The following PLEKHA5 variants were observed in gnomAD, a reference collection of about 807,000 sequenced individuals.
PLEKHA5 encodes the protein pleckstrin homology domain-containing family A member 5.
A neutral mutation model predicts 181.9 loss-of-function variants in PLEKHA5; 55 were observed. That is an observed-to-expected ratio of 0.30 (90% CI 0.24 to 0.38). The LOEUF is 0.38. Ranked by LOEUF, PLEKHA5 falls within the 10% of genes least tolerant of loss-of-function variation. The probability of loss-of-function intolerance (pLI) is 1.00; values close to 1 mark genes in which losing one functional copy is unlikely to be tolerated. For synonymous variants in PLEKHA5, 535 were observed against 529.4 expected (o/e 1.01, Z -0.15); for missense variants, 1,432 against 1,549.5 (o/e 0.92, Z 1.27).
intron 3 of PLEKHA5, among the ~76,000 whole-genome samples, chr12:19,172,962 TTG>T (rs2046265322): frequency 1.9e-5 from 1 of 52,974 alleles, no homozygotes; most frequent in Non-Finnish European, 6.4e-5. Flanking sequence ...GGGAAAAAAG[TTG>T]TTTTTTTTTT....
intron 25 of PLEKHA5, 36 bp downstream of exon 25, chr12:19,348,555 TG>T: frequency 6.6e-7 from 1 of 1,504,660 alleles, no homozygotes; most frequent in Non-Finnish European, 8.9e-7. Context: ...TCTTGGTTTT[TG>T]TTTTTGAAGA....
At chr12:19,270,760 C>T (rs2072448361) in intron 10 of PLEKHA5, among the ~76,000 whole-genome samples, 1 of 152,116 alleles carries the variant, frequency 6.6e-6, no homozygotes, top group Non-Finnish European at 1.5e-5. Flanking sequence ...CAGCTGAGCA[C>T]ATATCTTATG....
chr12:19,236,276 T>A (rs2061395051), intron 3 of PLEKHA5, among the ~76,000 whole-genome samples: 1 of 152,182 alleles, frequency 6.6e-6, no homozygotes, highest in African/African-American at 2.4e-5. Flanking sequence ...TCTACCTGGG[T>A]TTGAATCCTA....
chr12:19,133,224 T>A (rs2034542737), intron 3 of PLEKHA5, among the ~76,000 whole-genome samples: 1 of 151,974 alleles, frequency 6.6e-6, no homozygotes, highest in Non-Finnish European at 1.5e-5. Flanking sequence ...TAAAACCAGT[T>A]CTTTAGAATA....
intron 4 of PLEKHA5, 121 bp from the exon 5 acceptor site, chr12:19,254,924 A>G (rs182037093): frequency 8.0e-5 from 63 of 786,310 alleles, no homozygotes; most frequent in Admixed American, 5.5e-4. Flanking sequence ...CTGACTCTAG[A>G]GTAACTAGGA....
intron 10 of PLEKHA5, 97 bp from the exon 11 acceptor site, chr12:19,274,419 C>T: frequency 1.3e-6 from 1 of 785,146 alleles, no homozygotes; most frequent in Non-Finnish European, 2.0e-6. Flanking sequence ...CCCCTGGCCC[C>T]CACCCCCGTA....
At chr12:19,286,830 G>A (rs1234928846) in intron 12 of PLEKHA5, among the ~76,000 whole-genome samples, 2 of 151,918 alleles carry the variant, frequency 1.3e-5, no homozygotes, top group South Asian at 2.1e-4. Context: ...GTCAGACGTG[G>A]TGGCATGCGC....
chr12:19,144,150 A>G (rs550182208), intron 3 of PLEKHA5, among the ~76,000 whole-genome samples: 1 of 152,322 alleles, frequency 6.6e-6, no homozygotes, highest in South Asian at 2.1e-4. Context: ...GGTAACTGAT[A>G]GAGAGTCTGT....
At chr12:19,175,644 T>C (rs2047006464) in intron 3 of PLEKHA5, among the ~76,000 whole-genome samples, 1 of 152,198 alleles carries the variant, frequency 6.6e-6, no homozygotes, top group South Asian at 2.1e-4. Flanking sequence ...AAATCCTTTG[T>C]AGGTTGTGGG....
intron 3 of PLEKHA5, among the ~76,000 whole-genome samples, chr12:19,244,635 G>A (rs2063310220): frequency 1.3e-5 from 2 of 152,116 alleles, no homozygotes; most frequent in Admixed American, 1.3e-4. Context: ...TTCCCTTAAG[G>A]GAAATACATG....
intron 30 of PLEKHA5, among the ~76,000 whole-genome samples, chr12:19,369,437 C>T (rs925744815): frequency 5.9e-5 from 9 of 151,880 alleles, no homozygotes; most frequent in Non-Finnish European, 1.3e-4. Context: ...CCCAACACTT[C>T]GGGAGACCAA....
At chr12:19,272,630 G>A (rs1209758343) in intron 10 of PLEKHA5, among the ~76,000 whole-genome samples, 2 of 151,904 alleles carry the variant, frequency 1.3e-5, no homozygotes, top group Admixed American at 6.6e-5. Context: ...CCGGCTGCTC[G>A]GGAGGCTGAG....
intron 3 of PLEKHA5, among the ~76,000 whole-genome samples, chr12:19,196,450 A>T (rs1335066317): frequency 6.6e-6 from 1 of 152,234 alleles, no homozygotes; most frequent in Non-Finnish European, 1.5e-5. Context: ...GTTATAAAGA[A>T]TAAAAAATAT....
intron 8 of PLEKHA5, among the ~76,000 whole-genome samples, chr12:19,268,885 C>G (rs2071510675): frequency 6.6e-6 from 1 of 152,024 alleles, no homozygotes; most frequent in African/African-American, 2.4e-5. Flanking sequence ...TAAGGAACAG[C>G]TCAAAAAGAA....
chr12:19,325,642 C>T (rs976532736), intron 20 of PLEKHA5, among the ~76,000 whole-genome samples: 6 of 144,346 alleles, frequency 4.2e-5, no homozygotes, highest in African/African-American at 1.3e-4. Context: ...GAGCCGAGAT[C>T]GTGCCATTGC....
intron 15 of PLEKHA5, chr12:19,306,850 C>T (rs1381916789): frequency 8.8e-6 from 7 of 794,150 alleles, no homozygotes; most frequent in Non-Finnish European, 1.1e-5. Flanking sequence ...GCTTTGATAA[C>T]GTACCATATG....
Position 19,284,790 on chromosome 12 carries a change from G to A in PLEKHA5, c.1779+1045G>A, listed in dbSNP as rs181616631. Among the ~76,000 whole-genome samples, 32 of 151,908 alleles carry A rather than the reference G, an allele frequency of 2.1e-4. No homozygotes were observed. In the East Asian group the frequency reaches 5.6e-3, roughly 27 times the overall value. ...TTTCATACTGAAGAGTTCTTTGACC[G>A]GACATAGTGGCTCACACCTGTATTC... is the stretch of plus-strand genomic sequence containing the variant. On this transcript the variant is annotated intron_variant, in intron 12 of 31. Coordinates refer to ENST00000429027, the MANE Select transcript of PLEKHA5 (RefSeq NM_001256470.2).
intron 3 of PLEKHA5, among the ~76,000 whole-genome samples, chr12:19,231,554 T>C (rs2060562152): frequency 1.4e-5 from 2 of 147,498 alleles, no homozygotes; most frequent in African/African-American, 2.5e-5. Context: ...GTATATATAT[T>C]TATATATGTA....
chr12:19,357,254 CTTTTTTTTTTT>C (rs5796799), intron 26 of PLEKHA5, among the ~76,000 whole-genome samples: 2 of 96,128 alleles, frequency 2.1e-5, no homozygotes, highest in Admixed American at 2.4e-4. Context: ...TCTTTATATT[CTTTTTTTTTTT>C]TTTTTTTTGA....
Sources: gnomAD v4.1 joint callset for allele counts (sites outside exome capture counted in the v4.1 genomes callset) on GRCh38, gnomAD v4.1.1 for gene constraint, MANE v1.5 for transcripts, NCBI Gene and HGNC (gene_info 2026-07-23, HGNC 2026-07-21) for gene names.